The following RPS6KA2 variants were observed in gnomAD, a reference collection of about 807,000 sequenced individuals.
RPS6KA2 encodes ribosomal protein S6 kinase alpha-2.
In RPS6KA2, 42 loss-of-function variants were observed where a neutral mutation model predicts 91.8. That is an observed-to-expected ratio of 0.46 (90% CI 0.36 to 0.59). RPS6KA2 has a LOEUF of 0.59. RPS6KA2 is among the 20% of genes least tolerant of loss of function. The pLI, the probability that RPS6KA2 is intolerant of heterozygous loss-of-function variation, is 0.00. For missense variants in RPS6KA2, 798 were observed against 978.5 expected, an observed-to-expected ratio of 0.82 and a Z score of 2.46; for synonymous variants, 414 against 393.6, an observed-to-expected ratio of 1.05 and a Z score of -0.61.
At chr6:166,739,947 C>T (rs529697672) in intron 2 of RPS6KA2, among the ~76,000 whole-genome samples, 1 of 152,334 alleles carries the variant, frequency 6.6e-6, no homozygotes, top group African/African-American at 2.4e-5. Flanking sequence ...ACACCAGCAC[C>T]TTCATTGTTT....
chr6:166,539,440 G>C (rs1783585666), intron 1 of RPS6KA2, among the ~76,000 whole-genome samples: 1 of 152,208 alleles, frequency 6.6e-6, no homozygotes, highest in African/African-American at 2.4e-5. Context: ...GACAGCAAAA[G>C]CATATTGACG....
rs190704762 is a variant in RPS6KA2, at chr6:166,737,734, C to T, written c.123+120466G>A. On this transcript the variant is annotated intron_variant, in intron 2 of 21. Coordinates refer to the RPS6KA2 transcript ENST00000503859. This position sits in a 1 kb window ranked among gnomAD's most constrained non-coding sequence, Gnocchi z 4.3. Reference sequence around the variant, plus strand: ...GTGATGCTATAAAGGACTCTGGTGACGGTTCTGAACTTGACAAATGCCGTA... The same window carrying T: ...GTGATGCTATAAAGGACTCTGGTGATGGTTCTGAACTTGACAAATGCCGTA... Among the ~76,000 whole-genome samples, 8 of 152,250 alleles carry T rather than the reference C, an allele frequency of 5.3e-5. No individual in the cohort carries two copies. The highest frequency in any genetic ancestry group is 2.0e-4 in the Admixed American group (3 of 15,294).
intron 2 of RPS6KA2, among the ~76,000 whole-genome samples, chr6:166,820,517 A>C (rs78895381): frequency 0.013 from 1,933 of 152,312 alleles, 49 homozygotes; most frequent in African/African-American, 0.045. Flanking sequence ...GGTGGAAAAA[A>C]TAGAAGAATA....
At chr6:166,652,643 C>T (rs531351161) in intron 2 of RPS6KA2, among the ~76,000 whole-genome samples, 287 of 152,266 alleles carry the variant, frequency 1.9e-3, no homozygotes, top group Middle Eastern at 3.4e-3. Flanking sequence ...CAACTCTGAT[C>T]TCTTGTTGTT....
At chr6:166,630,546 C>A (rs1787044793), upstream of RPS6KA2, among the ~76,000 whole-genome samples, 1 of 152,244 alleles carries the variant, frequency 6.6e-6, no homozygotes, top group Admixed American at 6.5e-5. Context: ...TCACCAGGGT[C>A]ACCTGGTGCT....
chr6:166,667,961 A>C (rs919302838), intron 2 of RPS6KA2, among the ~76,000 whole-genome samples: 2 of 152,342 alleles, frequency 1.3e-5, no homozygotes, highest in African/African-American at 4.8e-5. Flanking sequence ...CACAGATGCC[A>C]GAGGGGAAGA....
In RPS6KA2 at chr6:166,563,829, T is replaced by A. The variant is rs1784415124; in HGVS notation, c.100-25045A>T. The stretch of plus-strand genomic sequence containing the variant: ...ATCAGTGCTTATAATATTGTTTGCA[T>A]GAAAAAAAAGTTTCTCATGTTTGCC... On this transcript the variant is annotated intron_variant, in intron 1 of 20. Coordinates refer to ENST00000265678, the MANE Select transcript of RPS6KA2 (RefSeq NM_021135.6). The surrounding 1 kb of genome is among the most constrained non-coding windows in gnomAD (Gnocchi z 4.1). Among the ~76,000 whole-genome samples, 1 of 152,174 alleles carries A rather than the reference T, an allele frequency of 6.6e-6. No homozygotes were observed. The highest frequency in any genetic ancestry group is 6.5e-5 in the Admixed American group (1 of 15,272).
At chr6:166,721,470 G>C (rs918213530) in intron 2 of RPS6KA2, among the ~76,000 whole-genome samples, 6 of 152,262 alleles carry the variant, frequency 3.9e-5, no homozygotes, top group Non-Finnish European at 7.3e-5. Context: ...GATTTTACCA[G>C]ATGGTGCCTA....
intron 10 of RPS6KA2, chr6:166,475,785 C>G (rs756265970): frequency 5.6e-6 from 3 of 533,022 alleles, no homozygotes; most frequent in Non-Finnish European, 1.2e-5. Flanking sequence ...GTCTTAGACT[C>G]AGAAGCCTAG....
intron 2 of RPS6KA2, among the ~76,000 whole-genome samples, chr6:166,755,302 A>G (rs1194089879): frequency 6.6e-6 from 1 of 151,646 alleles, no homozygotes; most frequent in Non-Finnish European, 1.5e-5. Flanking sequence ...CCAGCCTACA[A>G]CCCCGGGCAT....
At chr6:166,743,763 C>T (rs944031610) in intron 2 of RPS6KA2, among the ~76,000 whole-genome samples, 1 of 151,962 alleles carries the variant, frequency 6.6e-6, no homozygotes, top group African/African-American at 2.4e-5. Context: ...CAAACCAGGC[C>T]CACGGCAGAC....
At chr6:166,539,056 C>T (rs1389686907) in intron 1 of RPS6KA2, among the ~76,000 whole-genome samples, 1 of 152,124 alleles carries the variant, frequency 6.6e-6, no homozygotes, top group Non-Finnish European at 1.5e-5. Context: ...TTGCCTCAGC[C>T]TCCTGCCACC....
At chr6:166,741,476 GA>G (rs1562411106) in intron 2 of RPS6KA2, among the ~76,000 whole-genome samples, 1 of 152,138 alleles carries the variant, frequency 6.6e-6, no homozygotes, top group Admixed American at 6.5e-5. Flanking sequence ...CTGCCACATC[GA>G]AAAACGGAAA....
upstream of RPS6KA2, among the ~76,000 whole-genome samples, chr6:166,631,687 G>A (rs968442962): frequency 3.3e-5 from 5 of 152,166 alleles, no homozygotes; most frequent in South Asian, 2.1e-4. Context: ...TGGTGTCAGC[G>A]GAGCACGGCT....
intron 2 of RPS6KA2, among the ~76,000 whole-genome samples, chr6:166,691,789 T>C (rs1338655432): frequency 6.6e-6 from 1 of 152,210 alleles, no homozygotes; most frequent in Non-Finnish European, 1.5e-5. Flanking sequence ...AGAACAATGC[T>C]AACTAGATTG....
intron 2 of RPS6KA2, among the ~76,000 whole-genome samples, chr6:166,796,361 C>T (rs967805528): frequency 8.5e-5 from 13 of 152,130 alleles, no homozygotes; most frequent in African/African-American, 3.1e-4. Flanking sequence ...GAGGCCGAGG[C>T]GGGCGGATCA....
At chr6:166,663,893 T>C (rs923460042) in intron 2 of RPS6KA2, among the ~76,000 whole-genome samples, 1 of 152,222 alleles carries the variant, frequency 6.6e-6, no homozygotes, top group Non-Finnish European at 1.5e-5. Flanking sequence ...TGGCAAGACC[T>C]GAGTTTAAGT....
At chr6:166,647,858 TCA>T in intron 2 of RPS6KA2, among the ~76,000 whole-genome samples, 1 of 50,434 alleles carries the variant, frequency 2.0e-5, no homozygotes, top group South Asian at 5.8e-4. Flanking sequence ...ACGCACATGC[TCA>T]TACACACATG....
chr6:166,545,084 G>A (rs777112654), intron 1 of RPS6KA2, among the ~76,000 whole-genome samples: 21 of 152,308 alleles, frequency 1.4e-4, no homozygotes, highest in East Asian at 3.9e-4. Flanking sequence ...TGTCAAGATC[G>A]CAGATAGAAG....
Sources: allele counts gnomAD v4.1 joint callset (sites outside exome capture counted in the v4.1 genomes callset), GRCh38; gene constraint gnomAD v4.1.1; non-coding constraint Gnocchi (gnomAD v3.1); transcripts MANE v1.5; gene names NCBI Gene and HGNC (gene_info 2026-07-23, HGNC 2026-07-21).